ENPP6: variants seen among roughly 807,000 people sequenced by gnomAD.
ENPP6 encodes the protein ectonucleotide pyrophosphatase/phosphodiesterase 6, also known as glycerophosphocholine cholinephosphodiesterase ENPP6.
In ENPP6, 32 loss-of-function variants were observed where a neutral mutation model predicts 42.0. The observed-to-expected ratio is 0.76, with a 90% CI of 0.58 to 1.02. The LOEUF is 1.02. ENPP6 is among the 50% of genes least tolerant of loss of function. The probability of loss-of-function intolerance (pLI) is 0.00; values close to 1 mark genes in which losing one functional copy is unlikely to be tolerated. For missense variants in ENPP6, 552 were observed against 566.8 expected (o/e 0.97, Z 0.27); for synonymous variants, 213 against 216.0 (o/e 0.99, Z 0.12).
At chr4:184,104,330 T>C (rs1212053963) in intron 6 of ENPP6, among the ~76,000 whole-genome samples, 1 of 152,260 alleles carries the variant, frequency 6.6e-6, no homozygotes, top group East Asian at 1.9e-4. Context: ...TCAAAATAAG[T>C]CTTTCCTCTG....
At position 184,093,164 on chromosome 4, in the gene ENPP6, G is replaced by A. The variant is rs531815354; in HGVS notation, c.1118-1782C>T. On this transcript the variant is annotated intron_variant, in intron 7 of 7. Transcript: ENST00000296741. ...CCGGAAATAGGCATAGAAAGTCATC[G>A]TTCCTGGAACACTGTGTATACCCAG... Among the ~76,000 whole-genome samples the A allele has an allele frequency of 1.5e-4, 23 of 152,230 alleles. No individual in the cohort carries two copies. The East Asian group carries it at 1.5e-3, about 10-fold the overall frequency.
At chr4:184,170,975 A>G (rs958550708) in intron 1 of ENPP6, among the ~76,000 whole-genome samples, 2 of 152,158 alleles carry the variant, frequency 1.3e-5, no homozygotes, top group South Asian at 2.1e-4. Flanking sequence ...AGGCGTGTCT[A>G]TTTGGACTGT....
chr4:184,181,632 C>G (rs965056855), intron 1 of ENPP6, among the ~76,000 whole-genome samples: 3 of 152,106 alleles, frequency 2.0e-5, no homozygotes, highest in African/African-American at 7.2e-5. Context: ...CTACAGTAAC[C>G]AAAACAGCAT....
chr4:184,097,331 C>A lies in ENPP6; in HGVS notation c.1031G>T (p.Gly344Val). The change falls in exon 7 of 8, where the codon GGC becomes GTC. Residue 344 changes from glycine to valine, a missense_variant. Gly to Val is a moderately radical substitution (Grantham distance 109). This residue lies in a region of ENPP6 where 545 missense variants were observed against 546.3 expected (regional missense o/e 1.00). Coordinates refer to ENST00000296741, the MANE Select transcript of ENPP6 (RefSeq NM_153343.4). ...EMLPFWMNST[G>V]RREGWQRGWH... ...TCCACGCTGCCAACCTTCCCGCCTG[C>A]CGGTGCTGTTCATCCAAAACGGAAG... The A allele has an allele frequency of 6.2e-7, 1 of 1,614,212 alleles. No individual in the cohort carries two copies. Among genetic ancestry groups the A allele is most frequent in the Non-Finnish European group, 8.5e-7 (1 of 1,180,024 alleles).
chr4:184,129,291 TAC>T (rs60982411), intron 2 of ENPP6, among the ~76,000 whole-genome samples: 57,872 of 144,924 alleles, frequency 0.4, 11,476 homozygotes, highest in Non-Finnish European at 0.46. Flanking sequence ...CCCCCCAACA[TAC>T]ACACACACAC....
At chr4:184,146,593 T>C (rs1028755247) in intron 2 of ENPP6, among the ~76,000 whole-genome samples, 10 of 152,248 alleles carry the variant, frequency 6.6e-5, no homozygotes, top group African/African-American at 2.4e-4. Flanking sequence ...GCCCCGTTAA[T>C]AAATGCAGAT....
chr4:184,156,532 T>C (rs965168096), intron 1 of ENPP6, among the ~76,000 whole-genome samples: 3 of 152,218 alleles, frequency 2.0e-5, no homozygotes, highest in Non-Finnish European at 2.9e-5. Flanking sequence ...GGTTGTGCTT[T>C]CCAAACAGAG....
chr4:184,091,397 C>A lies in ENPP6; in HGVS notation c.1118-15G>T. On this transcript the variant is annotated splice_polypyrimidine_tract_variant and intron_variant, in intron 7 of 7. Coordinates refer to ENST00000296741, the MANE Select transcript of ENPP6 (RefSeq NM_153343.4). The stretch of plus-strand genomic sequence containing the variant: ...GGATTTGAAATCTGAAAGGGAAAGG[C>A]AAACAAACAAGTTGTCATGGCAGCT... 6.3e-7 allele frequency: 1 copy of A among 1,590,904 alleles called. No homozygotes were observed. The highest frequency in any genetic ancestry group is 1.1e-5 in the South Asian group (1 of 87,354).
chr4:184,124,514 A>G (rs1454058430), intron 2 of ENPP6, among the ~76,000 whole-genome samples: 1 of 152,214 alleles, frequency 6.6e-6, no homozygotes, highest in Admixed American at 6.5e-5. Context: ...GAGACTGGCA[A>G]AAATTAGACC....
At chr4:184,183,165 G>A (rs536678955) in intron 1 of ENPP6, among the ~76,000 whole-genome samples, 131 of 152,304 alleles carry the variant, frequency 8.6e-4, no homozygotes, top group African/African-American at 2.9e-3. Flanking sequence ...TGTGCATGCC[G>A]TATTTGTATA....
At position 184,091,396 on chromosome 4, in the gene ENPP6, GCAAA is replaced by G. The variant is rs1289604289; in HGVS notation, c.1118-18_1118-15del. The G allele has an allele frequency of 1.9e-6, 3 of 1,592,150 alleles. No homozygotes were observed. The highest frequency in any genetic ancestry group is 2.6e-6 in the Non-Finnish European group (3 of 1,167,426). On this transcript the variant is annotated splice_polypyrimidine_tract_variant and intron_variant, in intron 7 of 7. Coordinates refer to ENST00000296741, the MANE Select transcript of ENPP6 (RefSeq NM_153343.4). ...TGGATTTGAAATCTGAAAGGGAAAG[GCAAA>G]CAAACAAGTTGTCATGGCAGCTCCA...
chr4:184,188,271 T>C (rs796854730), intron 1 of ENPP6, among the ~76,000 whole-genome samples: 21 of 152,320 alleles, frequency 1.4e-4, no homozygotes, highest in African/African-American at 4.8e-4. Flanking sequence ...GTCGTTTCTC[T>C]TTATGAAAAA....
intron 6 of ENPP6, among the ~76,000 whole-genome samples, chr4:184,098,144 C>G (rs1735943184): frequency 6.6e-6 from 1 of 152,210 alleles, no homozygotes; most frequent in African/African-American, 2.4e-5. Context: ...TTCCTGAGTT[C>G]AGTGATTTGT....
intron 1 of ENPP6, among the ~76,000 whole-genome samples, chr4:184,195,110 AT>A (rs1315400348): frequency 6.6e-6 from 1 of 152,020 alleles, no homozygotes; most frequent in Non-Finnish European, 1.5e-5. Context: ...TTTTTTATTT[AT>A]TTTTGTATAT....
chr4:184,180,341 A>G (rs541240458), intron 1 of ENPP6, among the ~76,000 whole-genome samples: 1 of 152,318 alleles, frequency 6.6e-6, no homozygotes, highest in East Asian at 1.9e-4. Flanking sequence ...GACCATTAAA[A>G]AGTTCTGAAA....
At chr4:184,189,562 G>A (rs1732686947) in intron 1 of ENPP6, among the ~76,000 whole-genome samples, 3 of 152,226 alleles carry the variant, frequency 2.0e-5, no homozygotes, top group Non-Finnish European at 4.4e-5. Context: ...CGGGGCTCAT[G>A]ACCAATGACA....
At chr4:184,113,407 G>T (rs1424941043) in intron 5 of ENPP6, among the ~76,000 whole-genome samples, 1 of 151,896 alleles carries the variant, frequency 6.6e-6, no homozygotes, top group Non-Finnish European at 1.5e-5. Flanking sequence ...CTCTGAGGGG[G>T]CAAAAAGGGG....
chr4:184,177,017 C>T (rs951734224), intron 1 of ENPP6, among the ~76,000 whole-genome samples: 8 of 152,326 alleles, frequency 5.3e-5, no homozygotes, highest in Admixed American at 1.3e-4. Flanking sequence ...GTCAGGAGAT[C>T]CCCTTGTGAA....
At chr4:184,171,747 A>G (rs1737464302) in intron 1 of ENPP6, among the ~76,000 whole-genome samples, 1 of 152,112 alleles carries the variant, frequency 6.6e-6, no homozygotes, top group Non-Finnish European at 1.5e-5. Context: ...TTATTTAAAA[A>G]CTTGTGTGTT....
Sources: gnomAD v4.1 joint callset for allele counts (sites outside exome capture counted in the v4.1 genomes callset) on GRCh38, gnomAD v4.1.1 for gene constraint, gnomAD v4.1.1 regional missense constraint, MANE v1.5 for transcripts, NCBI Gene and HGNC (gene_info 2026-07-23, HGNC 2026-07-21) for gene names.